The following RBFOX1 variants were observed in gnomAD, a reference collection of about 807,000 sequenced individuals.
RBFOX1 encodes the protein RNA binding protein fox-1 homolog 1.
A neutral mutation model predicts 57.7 loss-of-function variants in RBFOX1; 8 were observed. The ratio of observed to expected loss-of-function variants is 0.14; its 90% confidence interval spans 0.08 to 0.25. The LOEUF (loss-of-function observed/expected upper bound fraction) is 0.25, where lower values mean the gene tolerates loss of function less well. RBFOX1 is among the 10% of genes least tolerant of loss of function. The pLI is 1.00. For synonymous variants in RBFOX1, 326 were observed against 222.4 expected (o/e 1.47, Z -4.15); for missense variants, 611 against 548.5 (o/e 1.11, Z -1.14).
chr16:6,025,433 A>G (rs1315464054), intron 1 of RBFOX1, among the ~76,000 whole-genome samples: 2 of 152,226 alleles, frequency 1.3e-5, no homozygotes, highest in Admixed American at 6.5e-5. Context: ...GGGAGGATAC[A>G]TCTGTATACA....
intron 2 of RBFOX1, among the ~76,000 whole-genome samples, chr16:6,553,882 A>G (rs1199455877): frequency 6.6e-6 from 1 of 152,166 alleles, no homozygotes; most frequent in East Asian, 1.9e-4. Flanking sequence ...CCTTCCTGGG[A>G]GTCGGTTTTA....
intron 4 of RBFOX1, among the ~76,000 whole-genome samples, chr16:5,966,110 G>A (rs2059838801): frequency 6.6e-6 from 1 of 152,076 alleles, no homozygotes; most frequent in South Asian, 2.1e-4. Context: ...TTTTATTGAA[G>A]TCTAATATAC....
chr16:7,691,155 T>C (rs1409456098), intron 14 of RBFOX1, among the ~76,000 whole-genome samples: 1 of 152,038 alleles, frequency 6.6e-6, no homozygotes, highest in African/African-American at 2.4e-5. Context: ...GTCAAAAAAA[T>C]ACTTAACTGG....
At chr16:6,251,423 A>C (rs1314811962) in intron 1 of RBFOX1, among the ~76,000 whole-genome samples, 1 of 152,162 alleles carries the variant, frequency 6.6e-6, no homozygotes, top group Admixed American at 6.5e-5. Flanking sequence ...GGGGGCAGGA[A>C]CTGAACTAAG....
At chr16:5,493,032 A>G (rs1408614934) in intron 2 of RBFOX1, among the ~76,000 whole-genome samples, 2 of 152,250 alleles carry the variant, frequency 1.3e-5, no homozygotes, top group Non-Finnish European at 2.9e-5. Context: ...ATCTAAATGC[A>G]GCTATGTACA....
chr16:6,979,113 A>G (rs1189842490), intron 3 of RBFOX1, among the ~76,000 whole-genome samples: 3 of 152,250 alleles, frequency 2.0e-5, no homozygotes, highest in African/African-American at 4.8e-5. Flanking sequence ...TTATGGGCTC[A>G]GATAAAATTG....
intron 4 of RBFOX1, among the ~76,000 whole-genome samples, chr16:7,261,182 G>C (rs1013735944): frequency 5.9e-5 from 9 of 152,136 alleles, no homozygotes; most frequent in African/African-American, 1.9e-4. Context: ...TGCTTGTTTT[G>C]GCTGTGTGAA....
At chr16:5,848,932 G>T (rs1399569212) in intron 3 of RBFOX1, among the ~76,000 whole-genome samples, 1 of 151,904 alleles carries the variant, frequency 6.6e-6, no homozygotes, top group African/African-American at 2.4e-5. Flanking sequence ...CTGGGTGACA[G>T]GGAGAGACTC....
intron 4 of RBFOX1, among the ~76,000 whole-genome samples, chr16:7,415,537 G>C (rs2098469929): frequency 6.6e-6 from 1 of 152,170 alleles, no homozygotes; most frequent in Non-Finnish European, 1.5e-5. Flanking sequence ...AACTGGGTTT[G>C]AAACCCACCT....
intron 2 of RBFOX1, among the ~76,000 whole-genome samples, chr16:6,399,944 C>G (rs2093001695): frequency 1.3e-5 from 2 of 152,116 alleles, no homozygotes; most frequent in Non-Finnish European, 2.9e-5. Context: ...CACCCACTAT[C>G]ACGAGTACAG....
intron 3 of RBFOX1, among the ~76,000 whole-genome samples, chr16:5,855,615 G>A (rs910767092): frequency 1.3e-5 from 2 of 152,058 alleles, no homozygotes; most frequent in Non-Finnish European, 1.5e-5. Context: ...TACTGTTTTG[G>A]TTACTGTTCC....
chr16:5,657,614 TTCTTTCTC>T (rs776349708), intron 3 of RBFOX1, among the ~76,000 whole-genome samples: 2,493 of 49,316 alleles, frequency 0.051, 49 homozygotes, highest in East Asian at 0.11. Flanking sequence ...CTCGCTTTCT[TTCTTTCTC>T]TCTTTCTTTC....
At chr16:7,429,599 G>A (rs1470606450) in intron 4 of RBFOX1, among the ~76,000 whole-genome samples, 3 of 152,196 alleles carry the variant, frequency 2.0e-5, no homozygotes, top group South Asian at 2.1e-4. Flanking sequence ...TAGAGGAGGT[G>A]AGCAGAAAAT....
chr16:7,399,605 T>C (rs1419001699), intron 4 of RBFOX1, among the ~76,000 whole-genome samples: 1 of 152,236 alleles, frequency 6.6e-6, no homozygotes, highest in African/African-American at 2.4e-5. Flanking sequence ...TCTGGGCTTG[T>C]AGATGCATCT....
chr16:6,808,383 G>C (rs751631956), intron 3 of RBFOX1, among the ~76,000 whole-genome samples: 6 of 151,914 alleles, frequency 3.9e-5, no homozygotes, highest in African/African-American at 1.5e-4. Context: ...AATGCCTAAA[G>C]TATTGCTTTC....
chr16:6,522,834 AG>A (rs1204495097), intron 2 of RBFOX1, among the ~76,000 whole-genome samples: 1 of 151,966 alleles, frequency 6.6e-6, no homozygotes, highest in Non-Finnish European at 1.5e-5. Flanking sequence ...TGTGGGGTAT[AG>A]CCCCTTCCTG....
At chr16:6,561,593 C>T (rs368128617) in intron 2 of RBFOX1, among the ~76,000 whole-genome samples, 1 of 152,168 alleles carries the variant, frequency 6.6e-6, no homozygotes. Flanking sequence ...GTAGAACAAA[C>T]CAATTTTAGG....
At position 7,332,195 on chromosome 16, in the gene RBFOX1, T is replaced by G. The variant is rs973172250; in HGVS notation, c.28-185952T>G. Reference sequence around the variant, plus strand: ...TTCGCACTGCCTTGTACGAGCTATGTGACCATGAGCAAACCATTTAACTAG... The same window carrying G: ...TTCGCACTGCCTTGTACGAGCTATGGGACCATGAGCAAACCATTTAACTAG... On this transcript the variant is annotated intron_variant, in intron 4 of 15. Coordinates refer to ENST00000550418, the MANE Select transcript of RBFOX1 (RefSeq NM_018723.4). Among the ~76,000 whole-genome samples, 67 of 152,230 alleles carry G rather than the reference T, an allele frequency of 4.4e-4. 1 individual carries two copies. Among genetic ancestry groups the G allele is most frequent in the African/African-American group, 1.6e-3 (66 of 41,474 alleles).
intron 3 of RBFOX1, among the ~76,000 whole-genome samples, chr16:6,769,493 G>T (rs2077941252): frequency 6.6e-6 from 1 of 152,226 alleles, no homozygotes. Context: ...TCTGTAGTTT[G>T]TATGTATATC....
Sources: gnomAD v4.1 joint callset for allele counts (sites outside exome capture counted in the v4.1 genomes callset) on GRCh38, gnomAD v4.1.1 for gene constraint, MANE v1.5 for transcripts, NCBI Gene and HGNC (gene_info 2026-07-23, HGNC 2026-07-21) for gene names.